The following PRKN variants were observed in gnomAD, a reference collection of about 807,000 sequenced individuals.
The protein encoded by PRKN is E3 ubiquitin-protein ligase parkin.
Under a neutral mutation model 59.5 loss-of-function variants are expected in PRKN, and 56 were observed. The ratio of observed to expected loss-of-function variants is 0.94; its 90% CI spans 0.76 to 1.18. The LOEUF (loss-of-function observed/expected upper bound fraction) is 1.18. PRKN is among the 50% of genes most tolerant of loss of function. The pLI is 0.00. For missense variants in PRKN, 657 were observed against 596.4 expected (o/e 1.10, Z -1.06); for synonymous variants, 250 against 222.1 (o/e 1.13, Z -1.12).
intron 1 of PRKN, among the ~76,000 whole-genome samples, chr6:162,633,710 T>C (rs1394483274): frequency 6.6e-6 from 1 of 151,862 alleles, no homozygotes; most frequent in Non-Finnish European, 1.5e-5. Context: ...CGTGGGACCC[T>C]GAATGTGCCT....
chr6:161,573,272 G>A (rs1317701344), intron 7 of PRKN, among the ~76,000 whole-genome samples: 2 of 151,930 alleles, frequency 1.3e-5, no homozygotes, highest in Admixed American at 6.6e-5. Context: ...AGCCTCTGGC[G>A]TATTAAATTG....
intron 6 of PRKN, among the ~76,000 whole-genome samples, chr6:161,786,619 A>T (rs907231196): frequency 1.3e-5 from 2 of 152,158 alleles, no homozygotes; most frequent in African/African-American, 4.8e-5. Flanking sequence ...TGGTAATTTA[A>T]TTATAACTAT....
rs767587433 is a variant in PRKN, at chr6:162,513,852, G to A, written c.8-70379C>T. On this transcript the variant is annotated intron_variant, in intron 1 of 11. Coordinates refer to ENST00000366898, the MANE Select transcript of PRKN (RefSeq NM_004562.3). ...GTGGACCACTTGAAGTCAGGAGCTC[G>A]AGACCAGCCTGGCTAACATGGTGAA... Among the ~76,000 whole-genome samples, 7 of 151,952 alleles carry A rather than the reference G, an allele frequency of 4.6e-5. No individual in the cohort carries two copies. The South Asian group carries it at 8.3e-4, about 18-fold the overall frequency.
intron 1 of PRKN, among the ~76,000 whole-genome samples, chr6:162,654,887 A>C (rs1778584209): frequency 6.6e-6 from 1 of 152,176 alleles, no homozygotes. Flanking sequence ...GATTATGGGA[A>C]CTACAATTCA....
intron 6 of PRKN, 32 bp from the exon 7 acceptor site, chr6:161,785,940 T>C (rs1790401925): frequency 1.2e-6 from 2 of 1,612,366 alleles, no homozygotes; most frequent in South Asian, 1.1e-5. Flanking sequence ...TTTCCTCTAG[T>C]ACCTGTCAGT....
At chr6:162,204,186 TA>T (rs560503448) in intron 3 of PRKN, among the ~76,000 whole-genome samples, 148 of 152,314 alleles carry the variant, frequency 9.7e-4, no homozygotes, top group African/African-American at 3.4e-3. Flanking sequence ...ATTCATAGAC[TA>T]ATCAGGTATA....
At chr6:162,323,625 T>C (rs1250657000) in intron 2 of PRKN, among the ~76,000 whole-genome samples, 1 of 152,042 alleles carries the variant, frequency 6.6e-6, no homozygotes, top group East Asian at 1.9e-4. Flanking sequence ...AAGAAAATAC[T>C]TGAGTGGCAA....
At chr6:162,200,587 G>A (rs1420395292) in intron 4 of PRKN, among the ~76,000 whole-genome samples, 1 of 152,176 alleles carries the variant, frequency 6.6e-6, no homozygotes, top group Non-Finnish European at 1.5e-5. Context: ...GGGCTGCACA[G>A]AAACAAGCAG....
chr6:161,715,757 G>C (rs1282387556), intron 7 of PRKN, among the ~76,000 whole-genome samples: 1 of 152,128 alleles, frequency 6.6e-6, no homozygotes, highest in Non-Finnish European at 1.5e-5. Flanking sequence ...AGAGGATCCA[G>C]TGTTTCTAGA....
Position 161,396,197 on chromosome 6 carries a change from C to T in PRKN, c.1084-9320G>A, listed in dbSNP as rs900970247. ...GAAAACAATTCCTATGGGGACAGTC[C>T]TTATCTTCCAAGGTCCCCAGCTCTG... On this transcript the variant is annotated intron_variant, in intron 9 of 11. Transcript: ENST00000366898. The surrounding 1 kb of genome is among the most constrained non-coding windows in gnomAD (Gnocchi z 5.4). Among the ~76,000 whole-genome samples, 2 of 152,120 alleles carry T rather than the reference C, an allele frequency of 1.3e-5. No homozygotes were observed. Among genetic ancestry groups the T allele is most frequent in the South Asian group, 2.1e-4 (1 of 4,834 alleles).
intron 2 of PRKN, among the ~76,000 whole-genome samples, chr6:162,362,910 C>T (rs938531147): frequency 4.6e-5 from 7 of 151,900 alleles, no homozygotes; most frequent in Admixed American, 6.6e-5. Flanking sequence ...GGGTGGATCA[C>T]GAGGTCAGGA....
At chr6:161,630,069 C>A (rs893692579) in intron 7 of PRKN, among the ~76,000 whole-genome samples, 1 of 152,184 alleles carries the variant, frequency 6.6e-6, no homozygotes, top group African/African-American at 2.4e-5. Flanking sequence ...CCCACGGTAT[C>A]ATAATAACAG....
intron 1 of PRKN, among the ~76,000 whole-genome samples, chr6:162,704,071 T>C (rs1348494406): frequency 2.6e-5 from 4 of 152,038 alleles, no homozygotes; most frequent in African/African-American, 4.8e-5. Flanking sequence ...TAGACAAACA[T>C]TCTTGACCTG....
intron 1 of PRKN, among the ~76,000 whole-genome samples, chr6:162,544,271 G>C (rs1416487619): frequency 6.6e-6 from 1 of 152,072 alleles, no homozygotes; most frequent in Non-Finnish European, 1.5e-5. Flanking sequence ...TAACATCACT[G>C]CACTGAGTCT....
At chr6:162,032,894 A>G (rs1410305656) in intron 5 of PRKN, among the ~76,000 whole-genome samples, 1 of 152,186 alleles carries the variant, frequency 6.6e-6, no homozygotes, top group Non-Finnish European at 1.5e-5. Context: ...ATGACAAAAC[A>G]AAGAAAGCTG....
chr6:161,616,235 T>C (rs1395311317), intron 7 of PRKN, among the ~76,000 whole-genome samples: 1 of 152,162 alleles, frequency 6.6e-6, no homozygotes, highest in Non-Finnish European at 1.5e-5. Flanking sequence ...GGTATTTCAT[T>C]TGCGAAAGCA....
chr6:162,464,205 G>A (rs1791305621), intron 1 of PRKN, among the ~76,000 whole-genome samples: 1 of 152,056 alleles, frequency 6.6e-6, no homozygotes, highest in African/African-American at 2.4e-5. Flanking sequence ...ATTAAAAGGC[G>A]ATTACTATTT....
intron 4 of PRKN, among the ~76,000 whole-genome samples, chr6:162,187,136 A>C (rs1037797383): frequency 3.9e-5 from 6 of 152,196 alleles, no homozygotes; most frequent in African/African-American, 1.4e-4. Flanking sequence ...AAACCACTTT[A>C]GTTTCTACCC....
chr6:161,897,977 A>AAAAAAAAAAAAAAAAAAAAAAAAAAAT, intron 6 of PRKN, among the ~76,000 whole-genome samples: 1 of 139,802 alleles, frequency 7.2e-6, no homozygotes, highest in African/African-American at 2.7e-5. Context: ...AAAAAAAAAA[A>AAAAAAAAAAAAAAAAAAAAAAAAAAAT]AAAAAAAGTC....
Sources: gnomAD v4.1 joint callset for allele counts (sites outside exome capture counted in the v4.1 genomes callset) on GRCh38, gnomAD v4.1.1 for gene constraint, Gnocchi (gnomAD v3.1) non-coding constraint, MANE v1.5 for transcripts, NCBI Gene and HGNC (gene_info 2026-07-23, HGNC 2026-07-21) for gene names.